The following MAPK10 variants were observed in gnomAD, a reference collection of about 807,000 sequenced individuals.
MAPK10 encodes the protein mitogen-activated protein kinase 10.
MAPK10 carries 25 observed loss-of-function variants against 59.3 expected under a neutral mutation model. That is an observed-to-expected ratio of 0.42 (90% CI 0.31 to 0.59). The LOEUF (loss-of-function observed/expected upper bound fraction) is 0.59, where lower values mean the gene tolerates loss of function less well. MAPK10 is among the 20% of genes least tolerant of loss of function. MAPK10 has a pLI of 0.15. For synonymous variants in MAPK10, 190 were observed against 200.5 expected, an observed-to-expected ratio of 0.95 and a Z score of 0.44; for missense variants, 351 against 568.9, an observed-to-expected ratio of 0.62 and a Z score of 3.90.
intron 9 of MAPK10, among the ~76,000 whole-genome samples, chr4:86,086,558 T>TA (rs1183963701): frequency 2.0e-5 from 3 of 152,028 alleles, no homozygotes; most frequent in Non-Finnish European, 4.4e-5. Flanking sequence ...AATTAAAAAT[T>TA]AAAAAAAGTC....
At chr4:86,025,529 AT>A (rs1481387943) in intron 13 of MAPK10, 2 of 398,334 alleles carry the variant, frequency 5.0e-6, no homozygotes, top group African/African-American at 2.1e-5. Flanking sequence ...GAATATGATC[AT>A]TGTGTTCAGT....
chr4:86,181,375 T>C (rs1050036213), intron 3 of MAPK10, among the ~76,000 whole-genome samples: 2 of 152,108 alleles, frequency 1.3e-5, no homozygotes. Context: ...AATTAATTTG[T>C]ACCCTCTGTG....
At chr4:86,334,923 T>C (rs551269761) in intron 2 of MAPK10, among the ~76,000 whole-genome samples, 4 of 151,948 alleles carry the variant, frequency 2.6e-5, no homozygotes, top group African/African-American at 9.7e-5. Context: ...CAAGACCTTT[T>C]CTGAACTCAA....
At chr4:86,588,641 T>C (rs1356611685) in intron 1 of MAPK10, among the ~76,000 whole-genome samples, 3 of 152,160 alleles carry the variant, frequency 2.0e-5, no homozygotes, top group East Asian at 1.9e-4. Flanking sequence ...TATATAAATA[T>C]ATGTAGGATA....
At chr4:86,388,182 A>ACG (rs1233122287) in intron 1 of MAPK10, among the ~76,000 whole-genome samples, 10 of 151,548 alleles carry the variant, frequency 6.6e-5, no homozygotes, top group Non-Finnish European at 1.2e-4. Context: ...TAGGAAAAAA[A>ACG]TGTGTGTGTG....
In MAPK10 at chr4:86,265,130, G is replaced by A. The variant is rs1047394309; in HGVS notation, c.-6-70723C>T. 5.3e-5 allele frequency among the ~76,000 whole-genome samples: 8 copies of A among 151,858 alleles called. No homozygotes were observed. The East Asian group carries it at 1.2e-3, about 22-fold the overall frequency. The stretch of plus-strand genomic sequence containing the variant: ...GGTCTCGATCTCTTGACCTCGTGAC[G>A]TACCTGCCTCGGCCTCCCAATGACC... On this transcript the variant is annotated intron_variant, in intron 2 of 13. Coordinates refer to ENST00000641462, the MANE Select transcript of MAPK10 (RefSeq NM_138982.4).
chr4:86,472,600 C>T (rs1002891770), intron 1 of MAPK10, among the ~76,000 whole-genome samples: 5 of 151,860 alleles, frequency 3.3e-5, no homozygotes, highest in African/African-American at 9.7e-5. Context: ...GCTGTGATCA[C>T]ACCACTGCAC....
At position 86,015,939 on chromosome 4, in the gene MAPK10, C is replaced by CATG. The variant is rs1488617297; in HGVS notation, c.*1288_*1289insCAT. ...GACTCACACTGTGGTTTGGGGGTTT[C>CATG]ATTATTATTATTATTATTTTATTTC... is the stretch of plus-strand genomic sequence containing the variant. On this transcript the variant is annotated 3_prime_UTR_variant, in exon 14 of 14. Transcript: ENST00000641462. The CATG allele has an allele frequency of 2.0e-5, 3 of 151,974 alleles. No homozygotes were observed. Among genetic ancestry groups the CATG allele is most frequent in the Admixed American group, 6.6e-5 (1 of 15,250 alleles). The allele number at this position is 151,974 out of a possible 1,614,324, so 9.4% of individuals were successfully genotyped here.
chr4:86,305,488 G>A (rs528960242), intron 2 of MAPK10, among the ~76,000 whole-genome samples: 3 of 152,094 alleles, frequency 2.0e-5, no homozygotes, highest in East Asian at 1.9e-4. Context: ...ATAGTGGTAC[G>A]GCAGAAGAGA....
chr4:86,182,020 A>G (rs1217783729), intron 3 of MAPK10, among the ~76,000 whole-genome samples: 1 of 152,116 alleles, frequency 6.6e-6, no homozygotes, highest in Non-Finnish European at 1.5e-5. Context: ...CTACTTACCT[A>G]TTGCTCAGGA....
At chr4:86,512,306 T>C (rs1756339140) in intron 1 of MAPK10, among the ~76,000 whole-genome samples, 1 of 152,250 alleles carries the variant, frequency 6.6e-6, no homozygotes. Context: ...AGTAAAAATC[T>C]ACTTTCTCTT....
At chr4:86,473,782 C>A (rs1307531820) in intron 1 of MAPK10, among the ~76,000 whole-genome samples, 1 of 152,188 alleles carries the variant, frequency 6.6e-6, no homozygotes, top group African/African-American at 2.4e-5. Context: ...TACAGAAAAT[C>A]ATTCTTCTTT....
chr4:86,251,323 C>G (rs1039764944), intron 2 of MAPK10, among the ~76,000 whole-genome samples: 11 of 151,998 alleles, frequency 7.2e-5, no homozygotes, highest in Admixed American at 3.3e-4. Flanking sequence ...TATCCCTCCC[C>G]CCTCCTCCCT....
At chr4:86,380,163 G>C (rs1293786341) in intron 1 of MAPK10, among the ~76,000 whole-genome samples, 4 of 152,036 alleles carry the variant, frequency 2.6e-5, no homozygotes, top group Admixed American at 1.3e-4. Flanking sequence ...CAGAGGTTGT[G>C]GTGGGCCAAG....
intron 1 of MAPK10, chr4:86,358,236 C>G: frequency 1.0e-6 from 1 of 985,330 alleles, no homozygotes; most frequent in Non-Finnish European, 1.2e-6. Flanking sequence ...AGAAGCTTCT[C>G]TGAGAGAAAT....
chr4:86,586,728 G>C (rs1269880239), intron 1 of MAPK10, among the ~76,000 whole-genome samples: 1 of 152,142 alleles, frequency 6.6e-6, no homozygotes, highest in Non-Finnish European at 1.5e-5. Context: ...AAGAATAGAT[G>C]GTTGCTTTTA....
intron 2 of MAPK10, among the ~76,000 whole-genome samples, chr4:86,245,530 C>T (rs2093029611): frequency 6.6e-6 from 1 of 151,962 alleles, no homozygotes; most frequent in African/African-American, 2.4e-5. Flanking sequence ...GATAAGTTCT[C>T]ACTATATTGC....
At chr4:86,216,661 A>G (rs2087746160) in intron 2 of MAPK10, among the ~76,000 whole-genome samples, 1 of 152,046 alleles carries the variant, frequency 6.6e-6, no homozygotes, top group East Asian at 1.9e-4. Context: ...TAAATGTTCA[A>G]TAAAAAGAAA....
At chr4:86,533,975 G>A (rs1578025123) in intron 1 of MAPK10, among the ~76,000 whole-genome samples, 1 of 152,058 alleles carries the variant, frequency 6.6e-6, no homozygotes, top group African/African-American at 2.4e-5. Flanking sequence ...CTAGAATCAT[G>A]AGCCCCTGGT....
Sources: allele counts gnomAD v4.1 joint callset (sites outside exome capture counted in the v4.1 genomes callset), GRCh38; gene constraint gnomAD v4.1.1; transcripts MANE v1.5; gene names NCBI Gene and HGNC (gene_info 2026-07-23, HGNC 2026-07-21).